CCDC146: variants seen among roughly 807,000 people sequenced by gnomAD.
CCDC146 encodes coiled-coil domain-containing protein 146.
Under a neutral mutation model 119.3 loss-of-function variants are expected in CCDC146, and 92 were observed. The observed-to-expected ratio is 0.77, with a 90% CI of 0.65 to 0.92. The LOEUF (loss-of-function observed/expected upper bound fraction) is 0.92. CCDC146 is among the 40% of genes least tolerant of loss of function. CCDC146 has a pLI of 0.00. For synonymous variants in CCDC146, 372 were observed against 371.8 expected, an observed-to-expected ratio of 1.00 and a Z score of -0.01; for missense variants, 1,000 against 1,103.0, an observed-to-expected ratio of 0.91 and a Z score of 1.32.
intron 14 of CCDC146, chr7:77,282,273 C>T (rs1222789999): frequency 9.5e-6 from 3 of 317,366 alleles, no homozygotes; most frequent in Non-Finnish European, 1.7e-5. Context: ...TTGGGAATGA[C>T]ATTCTTTCCC....
chr7:77,269,711 A>ATAGAATATAAAACTAAGCG (rs1793473828), intron 9 of CCDC146, among the ~76,000 whole-genome samples: 2 of 152,122 alleles, frequency 1.3e-5, no homozygotes, highest in Non-Finnish European at 2.9e-5. Flanking sequence ...AAAACTAAGC[A>ATAGAATATAAAACTAAGCG]CCCATAGAAT....
At chr7:77,180,486 C>T (rs1791569888) in intron 2 of CCDC146, among the ~76,000 whole-genome samples, 1 of 152,132 alleles carries the variant, frequency 6.6e-6, no homozygotes, top group Non-Finnish European at 1.5e-5. Context: ...ATTGCTTGAG[C>T]TCAGGAGTTC....
intron 1 of CCDC146, among the ~76,000 whole-genome samples, chr7:77,150,167 T>C (rs1160060651): frequency 2.0e-5 from 3 of 151,966 alleles, no homozygotes; most frequent in Non-Finnish European, 4.4e-5. Context: ...GGATAATCTG[T>C]AAGAATTCTT....
At chr7:77,222,787 T>C (rs1792429670) in intron 2 of CCDC146, among the ~76,000 whole-genome samples, 1 of 152,248 alleles carries the variant, frequency 6.6e-6, no homozygotes, top group Non-Finnish European at 1.5e-5. Flanking sequence ...TCTCACTGCC[T>C]GAGCCCACTC....
chr7:77,134,296 A>G (rs1429205386), intron 1 of CCDC146, among the ~76,000 whole-genome samples: 1 of 152,224 alleles, frequency 6.6e-6, no homozygotes, highest in Non-Finnish European at 1.5e-5. Context: ...CCACTAAAAG[A>G]AATAATTATA....
chr7:77,145,468 T>G (rs1488239908), intron 1 of CCDC146, among the ~76,000 whole-genome samples: 1 of 151,796 alleles, frequency 6.6e-6, no homozygotes, highest in African/African-American at 2.4e-5. Context: ...AGCTTTTGAA[T>G]GTGTTTGCTC....
chr7:77,263,707 T>C (rs769111020), intron 9 of CCDC146, among the ~76,000 whole-genome samples: 2 of 152,234 alleles, frequency 1.3e-5, no homozygotes, highest in Non-Finnish European at 2.9e-5. Context: ...GCAGATCACC[T>C]GAGGTCAGAA....
chr7:77,185,805 C>T (rs1791658675), intron 2 of CCDC146, among the ~76,000 whole-genome samples: 1 of 152,082 alleles, frequency 6.6e-6, no homozygotes, highest in African/African-American at 2.4e-5. Flanking sequence ...TTCAGACAGA[C>T]AATTCAAAAT....
intron 1 of CCDC146, among the ~76,000 whole-genome samples, chr7:77,129,007 T>C (rs1188721911): frequency 6.6e-6 from 1 of 152,100 alleles, no homozygotes; most frequent in Non-Finnish European, 1.5e-5. Flanking sequence ...ACTACGTAAG[T>C]AACAGGGTCA....
intron 1 of CCDC146, among the ~76,000 whole-genome samples, chr7:77,153,456 T>C (rs1319631982): frequency 6.8e-6 from 1 of 147,096 alleles, no homozygotes; most frequent in African/African-American, 2.5e-5. Context: ...CAATAAAAGA[T>C]AACATTTAAT....
intron 1 of CCDC146, among the ~76,000 whole-genome samples, chr7:77,144,452 T>C (rs559439795): frequency 6.6e-6 from 1 of 151,902 alleles, no homozygotes; most frequent in African/African-American, 2.4e-5. Context: ...TCCAATACTA[T>C]GTTGAAGAGG....
chr7:77,131,851 A>T (rs1173178533), intron 1 of CCDC146, among the ~76,000 whole-genome samples: 1 of 152,186 alleles, frequency 6.6e-6, no homozygotes, highest in Non-Finnish European at 1.5e-5. Flanking sequence ...AATAAAAACG[A>T]TAGGGAGCAG....
chr7:77,225,564 A>C (rs565276492), intron 2 of CCDC146, among the ~76,000 whole-genome samples: 8 of 152,134 alleles, frequency 5.3e-5, no homozygotes, highest in African/African-American at 1.7e-4. Flanking sequence ...AAAAAAAAAA[A>C]CAAAAACTAG....
chr7:77,199,767 C>T, intron 2 of CCDC146: 2 of 1,614,036 alleles, frequency 1.2e-6, no homozygotes, highest in Non-Finnish European at 1.7e-6. Flanking sequence ...CAGCTGAGCT[C>T]AGCCAGTACC....
At chr7:77,266,200 C>G (rs1233373174) in intron 9 of CCDC146, among the ~76,000 whole-genome samples, 1 of 152,152 alleles carries the variant, frequency 6.6e-6, no homozygotes, top group African/African-American at 2.4e-5. Flanking sequence ...GTGACAATGA[C>G]AAAATCCTCT....
chr7:77,168,265 A>G lies in CCDC146; in HGVS notation c.156+441A>G, dbSNP rs142610960. 8.2e-3 allele frequency among the ~76,000 whole-genome samples: 1,249 copies of G among 152,180 alleles called. 7 individuals carry two copies. Among genetic ancestry groups the G allele is most frequent in the Middle Eastern group, 0.017 (5 of 294 alleles). On this transcript the variant is annotated intron_variant, in intron 2 of 18. Transcript: ENST00000285871. ...GCTGTTTTCTATCAGCAAATAAGCA[A>G]AAAGGGGAATATGATGAATTATATA...
chr7:77,150,938 G>T (rs964810768), intron 1 of CCDC146, among the ~76,000 whole-genome samples: 6 of 152,176 alleles, frequency 3.9e-5, no homozygotes, highest in Admixed American at 3.9e-4. Flanking sequence ...TACACTAGGT[G>T]ATACAAGCCA....
Position 77,259,898 on chromosome 7 carries a change from A to G in CCDC146, c.759-111A>G. ...TATCTCTTCTGCTGCATGGTTAGAA[A>G]GCAAGAATAGGTAAAGCCAGCATGG... On this transcript the variant is annotated intron_variant, in intron 7 of 18. Transcript: ENST00000285871. The G allele has an allele frequency of 4.0e-6, 3 of 740,812 alleles. No individual in the cohort carries two copies. The East Asian group carries it at 7.5e-5, about 19-fold the overall frequency. 45.9% of individuals were successfully genotyped at this position (740,812 alleles called of 1,614,324 possible).
chr7:77,199,699 T>C (rs1791949142), intron 2 of CCDC146: 1 of 1,614,168 alleles, frequency 6.2e-7, no homozygotes, highest in South Asian at 1.1e-5. Flanking sequence ...TGCTCTTTCA[T>C]CTTTAATTTC....
Sources: gnomAD v4.1 joint callset for allele counts (sites outside exome capture counted in the v4.1 genomes callset) on GRCh38, gnomAD v4.1.1 for gene constraint, MANE v1.5 for transcripts, NCBI Gene and HGNC (gene_info 2026-07-23, HGNC 2026-07-21) for gene names.